DHX15: variants seen among roughly 807,000 people sequenced by gnomAD.
DHX15 encodes ATP-dependent RNA helicase DHX15.
In DHX15, 11 loss-of-function variants were observed where a neutral mutation model predicts 94.4. The observed-to-expected ratio is 0.12, with a 90% confidence interval of 0.07 to 0.19. The LOEUF is 0.19. DHX15 is among the 10% of genes least tolerant of loss of function. DHX15 has a pLI of 1.00. For missense variants in DHX15, 304 were observed against 988.5 expected, an observed-to-expected ratio of 0.31 and a Z score of 9.29; for synonymous variants, 338 against 329.9, an observed-to-expected ratio of 1.02 and a Z score of -0.27.
At position 24,559,401 on chromosome 4, in the gene DHX15, C is replaced by T. The variant is rs1027197675; in HGVS notation, c.702-2991G>A. 3.6e-5 allele frequency among the ~76,000 whole-genome samples: 4 copies of T among 111,706 alleles called. No homozygotes were observed. In the East Asian group the frequency reaches 8.4e-4, roughly 24 times the overall value. The allele number at this position is 111,706 out of a possible 152,430, so 73.3% of individuals were successfully genotyped here. ...AAAAAAAAAAAAAAAAAAAAAGAAACAGTACTTGACGATTTGCTATACTGT... is the reference window on the plus strand; with the variant it reads ...AAAAAAAAAAAAAAAAAAAAAGAAATAGTACTTGACGATTTGCTATACTGT... On this transcript the variant is annotated intron_variant, in intron 3 of 13. Coordinates refer to ENST00000336812, the MANE Select transcript of DHX15 (RefSeq NM_001358.3).
At chr4:24,568,301 C>G (rs1238460296) in intron 3 of DHX15, among the ~76,000 whole-genome samples, 1 of 152,132 alleles carries the variant, frequency 6.6e-6, no homozygotes, top group African/African-American at 2.4e-5. Flanking sequence ...TTCTTCCTAT[C>G]AAATAGCAAA....
intron 5 of DHX15, among the ~76,000 whole-genome samples, chr4:24,553,445 C>T (rs1721656081): frequency 6.6e-6 from 1 of 152,078 alleles, no homozygotes; most frequent in South Asian, 2.1e-4. Flanking sequence ...CTCAATACTA[C>T]ATTACAGCAC....
At chr4:24,530,081 T>C in intron 12 of DHX15, 1 of 404,628 alleles carries the variant, frequency 2.5e-6, no homozygotes. Context: ...TCAGTATCCA[T>C]AAGGAAAGTT....
At chr4:24,557,683 T>G (rs539810997) in intron 3 of DHX15, among the ~76,000 whole-genome samples, 1 of 152,276 alleles carries the variant, frequency 6.6e-6, no homozygotes, top group East Asian at 1.9e-4. Flanking sequence ...GCATTAGCTA[T>G]AAGGTTATTT....
chr4:24,581,913 G>C (rs1442594399), intron 1 of DHX15, among the ~76,000 whole-genome samples: 2 of 152,156 alleles, frequency 1.3e-5, no homozygotes, highest in Non-Finnish European at 2.9e-5. Context: ...AAATATGCCA[G>C]GAGTAAATAA....
intron 12 of DHX15, 166 bp from the exon 13 acceptor site, chr4:24,529,936 T>C (rs993493490): frequency 3.9e-5 from 27 of 691,204 alleles, no homozygotes; most frequent in Non-Finnish European, 5.8e-5. Flanking sequence ...CTGCTGCCTG[T>C]GGGCCAAATC....
At chr4:24,538,435 C>T (rs1721236834) in intron 10 of DHX15, 1 of 152,038 alleles carries the variant, frequency 6.6e-6, no homozygotes, top group Non-Finnish European at 1.5e-5. Flanking sequence ...CTTCTCACAG[C>T]TGTGAATTTT....
chr4:24,541,727 A>G, intron 8 of DHX15, 146 bp downstream of exon 8: 1 of 772,146 alleles, frequency 1.3e-6, no homozygotes, highest in Non-Finnish European at 2.0e-6. Flanking sequence ...ATCTAAGTTA[A>G]TTACACCATA....
At chr4:24,559,383 A>AAG (rs1198630895) in intron 3 of DHX15, among the ~76,000 whole-genome samples, 8 of 142,376 alleles carry the variant, frequency 5.6e-5, no homozygotes, top group African/African-American at 1.9e-4. Flanking sequence ...ACTAAAAAAA[A>AAG]AAAAAAAAAA....
intron 2 of DHX15, among the ~76,000 whole-genome samples, chr4:24,571,136 C>A (rs1722114470): frequency 6.6e-6 from 1 of 152,168 alleles, no homozygotes; most frequent in Non-Finnish European, 1.5e-5. Flanking sequence ...TTTAAAAAAT[C>A]CAACTTACAA....
At chr4:24,555,459 A>G (rs541225661) in intron 4 of DHX15, among the ~76,000 whole-genome samples, 16 of 152,322 alleles carry the variant, frequency 1.1e-4, no homozygotes, top group African/African-American at 3.8e-4. Context: ...TTCTTTAAAT[A>G]TATTTTTTAA....
intron 5 of DHX15, among the ~76,000 whole-genome samples, chr4:24,550,094 C>CAAAAAAAAAATAAAAA (rs1721556141): frequency 2.0e-5 from 1 of 49,734 alleles, no homozygotes; most frequent in Non-Finnish European, 3.4e-5. Flanking sequence ...AACTCCGTCT[C>CAAAAAAAAAATAAAAA]AAAAAAAAAA....
intron 3 of DHX15, among the ~76,000 whole-genome samples, chr4:24,564,753 A>G (rs1266479179): frequency 6.6e-6 from 1 of 152,238 alleles, no homozygotes; most frequent in African/African-American, 2.4e-5. Flanking sequence ...AGCACTACAT[A>G]TAGCAAAATA....
Position 24,576,434 on chromosome 4 carries a change from C to A in DHX15, c.316G>T (p.Ala106Ser), listed in dbSNP as rs35553489. ...CACTGTGGAAGTGACGTGTGACCTG[C>A]ATGTCCGGCATGCGTTGAATGAGCA... ...HSAHSTHAGH[A>S]GHTSLPQCIN... The change falls in exon 2 of 14, where the codon GCA becomes TCA. Residue 106 changes from alanine (A) to serine (S), a missense_variant. Physicochemically the swap from Ala to Ser is moderately conservative, Grantham distance 99 (BLOSUM62 1). Transcript: ENST00000336812. 1.5e-4 allele frequency: 249 copies of A among 1,614,160 alleles called. 1 individual carries two copies. The African/African-American group carries it at 2.7e-3, about 17-fold the overall frequency.
chr4:24,547,674 G>T (rs965212202), intron 6 of DHX15, among the ~76,000 whole-genome samples: 2 of 151,806 alleles, frequency 1.3e-5, no homozygotes, highest in African/African-American at 4.8e-5. Flanking sequence ...CTGAGGGCTG[G>T]GCGTAGTGGC....
chr4:24,535,986 G>A (rs1721189153), intron 11 of DHX15, among the ~76,000 whole-genome samples: 1 of 152,038 alleles, frequency 6.6e-6, no homozygotes, highest in African/African-American at 2.4e-5. Flanking sequence ...TTGGCACAGG[G>A]TGATGATGTA....
intron 5 of DHX15, among the ~76,000 whole-genome samples, chr4:24,549,385 T>C (rs1716974191): frequency 6.6e-6 from 1 of 152,226 alleles, no homozygotes; most frequent in South Asian, 2.1e-4. Flanking sequence ...TAAAAGAAAT[T>C]GATGTGCTAG....
intron 5 of DHX15, 28 bp downstream of exon 5, chr4:24,554,697 T>TAA: frequency 6.4e-7 from 1 of 1,570,576 alleles, no homozygotes; most frequent in South Asian, 1.1e-5. Flanking sequence ...TGTCAAAAGC[T>TAA]AAATAATGAA....
rs538093411 is a variant in DHX15, at chr4:24,533,156, C to G, written c.1910-102G>C. 1.1e-5 allele frequency: 11 copies of G among 1,023,288 alleles called. No homozygotes were observed. In the East Asian group the frequency reaches 2.6e-4, roughly 24 times the overall value. The allele number at this position is 1,023,288 out of a possible 1,614,324, so 63.4% of individuals were successfully genotyped here. On this transcript the variant is annotated intron_variant, in intron 11 of 13. Coordinates refer to ENST00000336812, the MANE Select transcript of DHX15 (RefSeq NM_001358.3). The stretch of plus-strand genomic sequence containing the variant: ...TGTTATAAAGAATAAGCTAAATAAA[C>G]CAGAAAGGAGATTTACCCACAACAT...
Sources: gnomAD v4.1 joint callset for allele counts (sites outside exome capture counted in the v4.1 genomes callset) on GRCh38, gnomAD v4.1.1 for gene constraint, MANE v1.5 for transcripts, NCBI Gene and HGNC (gene_info 2026-07-23, HGNC 2026-07-21) for gene names.